CPAP: variants seen among roughly 807,000 people sequenced by gnomAD.
The protein encoded by CPAP is centrosome assembly and centriole elongation protein.
the CPAP span, chr13:24,885,527 G>T: frequency 7.9e-7 from 1 of 1,262,538 alleles, no homozygotes; most frequent in Non-Finnish European, 1.2e-6. Flanking sequence ...ACGTGGTTTA[G>T]AAACGTTAAG....
chr13:24,921,837 A>C, the CPAP span, among the ~76,000 whole-genome samples: 1 of 152,130 alleles, frequency 6.6e-6, no homozygotes, highest in Non-Finnish European at 1.5e-5. Flanking sequence ...ACTCCCCACC[A>C]AACACACCTT....
chr13:24,892,891 GAA>G, the CPAP span: 5 of 1,376,288 alleles, frequency 3.6e-6, no homozygotes, highest in Non-Finnish European at 3.1e-6. Flanking sequence ...AAAACAAAAA[GAA>G]AAAACCATTA....
chr13:24,894,779 C>T, the CPAP span, among the ~76,000 whole-genome samples: 57 of 152,038 alleles, frequency 3.7e-4, no homozygotes, highest in African/African-American at 1.3e-3. Flanking sequence ...GAGGATGACA[C>T]GCCCTCGGGG....
the CPAP span, among the ~76,000 whole-genome samples, chr13:24,919,316 C>G: frequency 2.6e-5 from 4 of 152,316 alleles, no homozygotes; most frequent in South Asian, 8.3e-4. Flanking sequence ...GAGAGACTGA[C>G]CAATCACCAA....
the CPAP span, among the ~76,000 whole-genome samples, chr13:24,890,201 A>G: frequency 8.5e-5 from 13 of 152,240 alleles, no homozygotes; most frequent in African/African-American, 3.1e-4. Flanking sequence ...TGGTTCAGTG[A>G]AACATAGACA....
chr13:24,931,463 T>C, the CPAP span, among the ~76,000 whole-genome samples: 3 of 152,110 alleles, frequency 2.0e-5, no homozygotes, highest in Admixed American at 6.5e-5. Context: ...ATTATGAAAC[T>C]TGGTAAATTA....
chr13:24,907,222 T>C, the CPAP span: 4 of 1,518,690 alleles, frequency 2.6e-6, no homozygotes, highest in East Asian at 2.3e-5. Context: ...TTATTTAACA[T>C]GCAAATCATA....
chr13:24,891,614 C>T, the CPAP span, among the ~76,000 whole-genome samples: 544 of 152,240 alleles, frequency 3.6e-3, 5 homozygotes, highest in Non-Finnish European at 4.7e-3. Context: ...TCTCTCCACC[C>T]GCCACTGCCA....
the CPAP span, chr13:24,884,093 A>G: frequency 6.4e-7 from 1 of 1,572,078 alleles, no homozygotes; most frequent in Non-Finnish European, 8.6e-7. Flanking sequence ...TCTGTTTAAA[A>G]AGTTGTTACA....
At chr13:24,890,503 T>C in the CPAP span, among the ~76,000 whole-genome samples, 1 of 152,206 alleles carries the variant, frequency 6.6e-6, no homozygotes, top group African/African-American at 2.4e-5. Flanking sequence ...AGCTAAAATA[T>C]GCTATGCAGC....
At chr13:24,892,775 T>C in the CPAP span, 7 of 1,614,032 alleles carry the variant, frequency 4.3e-6, no homozygotes, top group Non-Finnish European at 5.9e-6. Flanking sequence ...CTAACATTTG[T>C]ATCTGGCTTC....
chr13:24,899,360 G>A, the CPAP span: 1 of 1,345,892 alleles, frequency 7.4e-7, no homozygotes, highest in Non-Finnish European at 1.1e-6. Context: ...ACTCTGAGAT[G>A]CTTACAAGAT....
At chr13:24,933,105 C>T in the CPAP span, 2,093 of 1,582,726 alleles carry the variant, frequency 1.3e-3, 25 homozygotes, top group African/African-American at 0.025. Context: ...AGGAAAATGG[C>T]GGAAAGTTTT....
At chr13:24,912,696 TGCC>T in the CPAP span, 1 of 1,614,082 alleles carries the variant, frequency 6.2e-7, no homozygotes, top group Non-Finnish European at 8.5e-7. Context: ...CACTGTGACA[TGCC>T]GCTACCTGTG....
chr13:24,890,642 C>T, the CPAP span, among the ~76,000 whole-genome samples: 2 of 152,172 alleles, frequency 1.3e-5, no homozygotes, highest in Non-Finnish European at 2.9e-5. Flanking sequence ...AGTCTCTGAC[C>T]CAGGTTGGCC....
At chr13:24,922,180 T>C in the CPAP span, among the ~76,000 whole-genome samples, 1 of 152,224 alleles carries the variant, frequency 6.6e-6, no homozygotes, top group Admixed American at 6.5e-5. Flanking sequence ...GAAAGTGCTA[T>C]GTAAACATTC....
At chr13:24,886,985 C>T in the CPAP span, among the ~76,000 whole-genome samples, 8 of 152,204 alleles carry the variant, frequency 5.3e-5, no homozygotes, top group African/African-American at 1.9e-4. Flanking sequence ...GGTGCAAGCA[C>T]ACTGTCTAGA....
chr13:24,899,224 C>T, the CPAP span, among the ~76,000 whole-genome samples: 1 of 152,202 alleles, frequency 6.6e-6, no homozygotes, highest in African/African-American at 2.4e-5. Flanking sequence ...AAGAAAAGAA[C>T]TGAAATCTTC....
At chr13:24,920,546 A>G in the CPAP span, among the ~76,000 whole-genome samples, 2 of 152,378 alleles carry the variant, frequency 1.3e-5, no homozygotes, top group Admixed American at 1.3e-4. Context: ...AGGCATTTAA[A>G]AAAACAAAAA....
Sources: gnomAD v4.1 joint callset for allele counts (sites outside exome capture counted in the v4.1 genomes callset) on GRCh38, gnomAD v4.1.1 for gene constraint, MANE v1.5 for transcripts, NCBI Gene and HGNC (gene_info 2026-07-23, HGNC 2026-07-21) for gene names.